ADGRG3: variants seen among roughly 807,000 people sequenced by gnomAD.
ADGRG3 encodes the protein adhesion G protein-coupled receptor G3.
In ADGRG3, 39 loss-of-function variants were observed where a neutral mutation model predicts 54.3. The observed-to-expected ratio is 0.72, with a 90% confidence interval of 0.56 to 0.94. The LOEUF (loss-of-function observed/expected upper bound fraction) is 0.94, where lower values mean the gene tolerates loss of function less well. Among genes scored for constraint, ADGRG3 ranks in the 40% least tolerant of loss-of-function variants. ADGRG3 has a pLI of 0.00. For missense variants in ADGRG3, 654 were observed against 694.6 expected (o/e 0.94, Z 0.66); for synonymous variants, 312 against 290.0 (o/e 1.08, Z -0.77).
At chr16:57,683,722 C>T (rs563070718) in intron 8 of ADGRG3, among the ~76,000 whole-genome samples, 8 of 152,256 alleles carry the variant, frequency 5.3e-5, no homozygotes, top group Non-Finnish European at 1.2e-4. Context: ...CCGGAACCCA[C>T]AGGGCCCCGT....
intron 11 of ADGRG3, among the ~76,000 whole-genome samples, chr16:57,686,376 C>T (rs1364966847): frequency 6.6e-6 from 1 of 152,136 alleles, no homozygotes; most frequent in East Asian, 1.9e-4. Context: ...AGCACTCACT[C>T]ATCACCAAGG....
rs778878062 is a variant in ADGRG3 at position 57,684,049 on chromosome 16, G to T, written c.999G>T (p.Gly333=). Residue 333 remains glycine (G), a synonymous_variant, in exon 9 of 12, where the codon GGG becomes GGT. Coordinates refer to ENST00000333493, the MANE Select transcript of ADGRG3 (RefSeq NM_170776.5). ...FLVNVGSGSK[G]SDAACWARGA... is the part of the protein sequence containing the mutation. Reference sequence around the variant, plus strand: ...TCAATGTGGGGAGTGGCTCAAAGGGGTCTGATGCTGCCTGCTGGGCCCGGG... The same window carrying T: ...TCAATGTGGGGAGTGGCTCAAAGGGTTCTGATGCTGCCTGCTGGGCCCGGG... 2.5e-6 allele frequency: 4 copies of T among 1,614,048 alleles called. No homozygotes were observed. The highest frequency in any genetic ancestry group is 1.1e-5 in the South Asian group (1 of 91,086).
In ADGRG3 at chr16:57,684,426, C is replaced by T. The variant is rs1171919019; in HGVS notation, c.1199C>T (p.Ala400Val). 6.2e-7 allele frequency: 1 copy of T among 1,613,764 alleles called. No individual in the cohort carries two copies. Among genetic ancestry groups the T allele is most frequent in the East Asian group, 2.2e-5 (1 of 44,856 alleles). Residue 400 changes from alanine (A) to valine (V), a missense_variant, in exon 10 of 12, where the codon GCC becomes GTC. Physicochemically the swap from Ala to Val is moderately conservative, Grantham distance 64. Coordinates refer to ENST00000333493, the MANE Select transcript of ADGRG3 (RefSeq NM_170776.5). ...PALMVIGTGS[A>V]NSYGLYTIRD... is the part of the protein sequence containing the mutation. ...CTGATGGTCATCGGCACTGGGAGTGCCAACAGCTACGGCCTCTACACCATC... is the reference window on the plus strand; with the variant it reads ...CTGATGGTCATCGGCACTGGGAGTGTCAACAGCTACGGCCTCTACACCATC...
chr16:57,688,504 T>G lies in ADGRG3; in HGVS notation c.*43T>G. 3 of 1,169,180 alleles carry G rather than the reference T, an allele frequency of 2.6e-6. No individual in the cohort carries two copies. Among genetic ancestry groups the G allele is most frequent in the Non-Finnish European group, 2.6e-6 (2 of 774,304 alleles). 72.4% of individuals were successfully genotyped at this position (1,169,180 alleles called of 1,614,324 possible). On this transcript the variant is annotated 3_prime_UTR_variant, in exon 12 of 12. Coordinates refer to ENST00000333493, the MANE Select transcript of ADGRG3 (RefSeq NM_170776.5). ...ATATGGACTCAGCTCTGGCTCTCTG[T>G]GTGACCTTGGGCAGCTCCGTGCCTC...
intron 5 of ADGRG3, 123 bp from the exon 6 acceptor site, chr16:57,679,693 C>A (rs1315639712): frequency 2.4e-6 from 2 of 822,076 alleles, no homozygotes; most frequent in African/African-American, 3.3e-5. Context: ...TGGGTGTGAA[C>A]CTTGCTTTCT....
chr16:57,673,505 G>A, intron 2 of ADGRG3, 37 bp downstream of exon 2: 1 of 1,577,458 alleles, frequency 6.3e-7, no homozygotes, highest in Non-Finnish European at 8.7e-7. Context: ...GGAATCTGAA[G>A]CTGCTGGGAG....
At chr16:57,675,566 G>A (rs1232414352) in intron 2 of ADGRG3, among the ~76,000 whole-genome samples, 1 of 152,216 alleles carries the variant, frequency 6.6e-6, no homozygotes, top group Non-Finnish European at 1.5e-5. Context: ...GGGAGGCGGA[G>A]GTTGCAGTGA....
chr16:57,680,713 C>T (rs532120409), intron 8 of ADGRG3, 96 bp downstream of exon 8: 46 of 811,318 alleles, frequency 5.7e-5, no homozygotes, highest in African/African-American at 4.9e-4. Flanking sequence ...AGCCTCTGAC[C>T]GTTGTCCCCT....
At chr16:57,679,403 A>T in intron 5 of ADGRG3, 92 bp downstream of exon 5, 1 of 1,359,288 alleles carries the variant, frequency 7.4e-7, no homozygotes, top group Non-Finnish European at 1.0e-6. Context: ...GACACTACAT[A>T]TCTGTCCCCT....
At chr16:57,685,386 T>G (rs1453548459) in intron 10 of ADGRG3, among the ~76,000 whole-genome samples, 4 of 152,214 alleles carry the variant, frequency 2.6e-5, no homozygotes, top group Non-Finnish European at 5.9e-5. Flanking sequence ...CTTCTGATTT[T>G]AAAGGCGGCC....
rs375874981 is a variant in ADGRG3 at position 57,688,490 on chromosome 16, G to A, written c.*29G>A. On this transcript the variant is annotated 3_prime_UTR_variant, in exon 12 of 12. Transcript: ENST00000333493. ...GGCACGGCCCTGCAATATGGACTCA[G>A]CTCTGGCTCTCTGTGTGACCTTGGG... 3.1e-6 allele frequency: 4 copies of A among 1,295,934 alleles called. No homozygotes were observed. The African/African-American group carries it at 5.8e-5, about 19-fold the overall frequency. The allele number at this position is 1,295,934 out of a possible 1,614,324, so 80.3% of individuals were successfully genotyped here.
At chr16:57,681,552 C>G (rs2048370042) in intron 8 of ADGRG3, among the ~76,000 whole-genome samples, 1 of 152,032 alleles carries the variant, frequency 6.6e-6, no homozygotes, top group Non-Finnish European at 1.5e-5. Flanking sequence ...GAAAGCCCAT[C>G]TCTACTAAAA....
At chr16:57,681,378 G>A (rs1171928276) in intron 8 of ADGRG3, among the ~76,000 whole-genome samples, 1 of 52,334 alleles carries the variant, frequency 1.9e-5, no homozygotes, top group Non-Finnish European at 3.4e-5. Context: ...GTGTGTGTGC[G>A]CGCGTGCGTG....
chr16:57,666,406 TATC>T (rs1222704342), upstream of ADGRG3, among the ~76,000 whole-genome samples: 5 of 152,212 alleles, frequency 3.3e-5, no homozygotes, highest in Non-Finnish European at 7.3e-5. Context: ...CGATGGTTAT[TATC>T]ATGCACTTTC....
At chr16:57,670,401 C>A (rs1382903324) in intron 1 of ADGRG3, among the ~76,000 whole-genome samples, 1 of 152,140 alleles carries the variant, frequency 6.6e-6, no homozygotes, top group African/African-American at 2.4e-5. Context: ...GGGAGGGAGG[C>A]CTGCACCTGG....
At position 57,673,336 on chromosome 16, in the gene ADGRG3, C is replaced by A. The variant is rs1354322252; in HGVS notation, c.74C>A (p.Thr25Asn). 6.2e-7 allele frequency: 1 copy of A among 1,613,202 alleles called. No homozygotes were observed. The highest frequency in any genetic ancestry group is 8.5e-7 in the Non-Finnish European group (1 of 1,179,192). The change falls in exon 2 of 12, where the codon ACC (threonine) becomes AAC (asparagine). Residue 25 changes from threonine to asparagine, a missense_variant. Coordinates refer to ENST00000333493, the MANE Select transcript of ADGRG3 (RefSeq NM_170776.5). The part of the protein sequence containing the change: ...LLPTSGQEKP[T>N]EGPRNTCLGS... ...CCTTCCTTAGGTCAGGAAAAGCCCACCGAAGGGCCAAGAAACACCTGCCTG... is the reference window on the plus strand; with the variant it reads ...CCTTCCTTAGGTCAGGAAAAGCCCAACGAAGGGCCAAGAAACACCTGCCTG...
At chr16:57,682,498 CA>C (rs2048392938) in intron 8 of ADGRG3, 1 of 985,368 alleles carries the variant, frequency 1.0e-6, no homozygotes, top group South Asian at 4.7e-5. Flanking sequence ...TGGCCTAGGA[CA>C]TGGTCCCCAT....
chr16:57,687,213 T>C (rs1164451912), intron 11 of ADGRG3, among the ~76,000 whole-genome samples: 1 of 151,200 alleles, frequency 6.6e-6, no homozygotes, highest in Non-Finnish European at 1.5e-5. Flanking sequence ...TCCTCATTCA[T>C]CGCGAAATTG....
chr16:57,668,450 C>T (rs778665026), intron 1 of ADGRG3, 45 bp downstream of exon 1: 3 of 1,500,268 alleles, frequency 2.0e-6, no homozygotes, highest in Non-Finnish European at 2.7e-6. Context: ...CTGGGCCGAC[C>T]CTGCCCTGCC....
Sources: gnomAD v4.1 joint callset for allele counts (sites outside exome capture counted in the v4.1 genomes callset) on GRCh38, gnomAD v4.1.1 for gene constraint, MANE v1.5 for transcripts, NCBI Gene and HGNC (gene_info 2026-07-23, HGNC 2026-07-21) for gene names.